Variants in DOCK4 observed in about 807,000 individuals in gnomAD.
DOCK4 encodes dedicator of cytokinesis 4.
In DOCK4, 97 loss-of-function variants were observed where a neutral mutation model predicts 268.1. The ratio of observed to expected loss-of-function variants is 0.36; its 90% confidence interval spans 0.31 to 0.43. DOCK4 has a LOEUF of 0.43. DOCK4 is among the 20% of genes least tolerant of loss of function. The probability of loss-of-function intolerance (pLI) is 1.00; values close to 1 mark genes in which losing one functional copy is unlikely to be tolerated. For synonymous variants in DOCK4, 954 were observed against 887.2 expected, an observed-to-expected ratio of 1.08 and a Z score of -1.34; for missense variants, 2,145 against 2,455.7, an observed-to-expected ratio of 0.87 and a Z score of 2.67.
intron 1 of DOCK4, among the ~76,000 whole-genome samples, chr7:112,179,244 G>T (rs116609271): frequency 6.6e-6 from 1 of 151,992 alleles, no homozygotes; most frequent in Non-Finnish European, 1.5e-5. Flanking sequence ...AAATTTTCCC[G>T]GTGTGGTGGC....
At chr7:111,995,024 G>T (rs1315836924) in intron 4 of DOCK4, among the ~76,000 whole-genome samples, 1 of 142,274 alleles carries the variant, frequency 7.0e-6, no homozygotes, top group Non-Finnish European at 1.5e-5. Flanking sequence ...GGAAATAAAA[G>T]AGAAGTTTTG....
chr7:112,163,535 T>G (rs976091003), intron 1 of DOCK4, among the ~76,000 whole-genome samples: 2 of 152,326 alleles, frequency 1.3e-5, no homozygotes, highest in Middle Eastern at 3.4e-3. Flanking sequence ...GTCTTTCGGT[T>G]GTGTGCACAT....
intron 43 of DOCK4, among the ~76,000 whole-genome samples, 163 bp downstream of exon 43, chr7:111,747,103 AT>A (rs1254064395): frequency 6.6e-6 from 1 of 152,204 alleles, no homozygotes; most frequent in Non-Finnish European, 1.5e-5. Flanking sequence ...TTACTGGGCA[AT>A]TACAAATGAC....
At chr7:112,117,427 G>A (rs1812280975) in intron 1 of DOCK4, among the ~76,000 whole-genome samples, 1 of 152,172 alleles carries the variant, frequency 6.6e-6, no homozygotes. Flanking sequence ...CTGGGGTGCA[G>A]TGATGTGGTC....
In DOCK4 at chr7:111,726,640, T is replaced by A. The variant is rs1316613257; in HGVS notation, c.*1634A>T. On this transcript the variant is annotated 3_prime_UTR_variant, in exon 53 of 53. Transcript: ENST00000428084. ...TTAACATATATTAATTTTTCCGACATTCAAAATTGTAAAGTCAATATGGCA... is the reference window on the plus strand; with the variant it reads ...TTAACATATATTAATTTTTCCGACAATCAAAATTGTAAAGTCAATATGGCA... The A allele has an allele frequency of 6.6e-6, 1 of 152,654 alleles. No individual in the cohort carries two copies. The highest frequency in any genetic ancestry group is 1.9e-4 in the East Asian group (1 of 5,202). The allele number at this position is 152,654 out of a possible 1,614,324, so 9.5% of individuals were successfully genotyped here.
intron 1 of DOCK4, among the ~76,000 whole-genome samples, chr7:112,153,951 T>C (rs1177628904): frequency 6.6e-6 from 1 of 152,156 alleles, no homozygotes; most frequent in Non-Finnish European, 1.5e-5. Context: ...GGCAAACTTC[T>C]TGTAGAAACA....
chr7:111,742,239 A>G, intron 44 of DOCK4, 107 bp from the exon 45 acceptor site: 1 of 1,179,694 alleles, frequency 8.5e-7, no homozygotes, highest in Non-Finnish European at 1.1e-6. Context: ...ATTATTGCTA[A>G]TCCTCTGCCT....
chr7:111,960,717 C>T (rs1796810115), intron 8 of DOCK4, among the ~76,000 whole-genome samples: 1 of 151,912 alleles, frequency 6.6e-6, no homozygotes, highest in Admixed American at 6.6e-5. Flanking sequence ...CTAGTAATCC[C>T]CCTTCTTCTC....
At chr7:112,097,582 T>C (rs1000001236) in intron 1 of DOCK4, among the ~76,000 whole-genome samples, 3 of 152,182 alleles carry the variant, frequency 2.0e-5, no homozygotes, top group African/African-American at 4.8e-5. Flanking sequence ...GGTTGTTCCA[T>C]GGGCCTCTGA....
At chr7:111,934,936 A>AT (rs1794602424) in intron 12 of DOCK4, among the ~76,000 whole-genome samples, 1 of 150,912 alleles carries the variant, frequency 6.6e-6, no homozygotes, top group African/African-American at 2.4e-5. Context: ...TTGTCATGTG[A>AT]TTTTTAGCTT....
intron 1 of DOCK4, among the ~76,000 whole-genome samples, chr7:112,066,688 TACA>T (rs1563052070): frequency 2.1e-4 from 3 of 14,516 alleles, no homozygotes; most frequent in African/African-American, 1.0e-3. Flanking sequence ...TATATACATA[TACA>T]TATATATATA....
chr7:112,077,679 G>GT (rs1341607704), intron 1 of DOCK4, among the ~76,000 whole-genome samples: 1 of 152,032 alleles, frequency 6.6e-6, no homozygotes, highest in Non-Finnish European at 1.5e-5. Context: ...GCGTGTGTGT[G>GT]TTTTTTAACA....
At chr7:111,978,633 G>T (rs1798383989) in intron 7 of DOCK4, among the ~76,000 whole-genome samples, 1 of 152,186 alleles carries the variant, frequency 6.6e-6, no homozygotes, top group African/African-American at 2.4e-5. Flanking sequence ...TAAGGAGGGT[G>T]CAGGACTTAC....
intron 16 of DOCK4, among the ~76,000 whole-genome samples, chr7:111,889,729 C>T (rs1231323532): frequency 1.3e-5 from 2 of 152,128 alleles, no homozygotes; most frequent in African/African-American, 2.4e-5. Context: ...ATAAGTTACT[C>T]CACAATAGAC....
intron 1 of DOCK4, among the ~76,000 whole-genome samples, chr7:112,169,950 T>C (rs1321438832): frequency 6.6e-6 from 1 of 152,130 alleles, no homozygotes; most frequent in Non-Finnish European, 1.5e-5. Flanking sequence ...CCACCAACAC[T>C]TTTTCCTGAA....
chr7:111,733,506 A>T (rs566688784), intron 51 of DOCK4, among the ~76,000 whole-genome samples: 1 of 152,304 alleles, frequency 6.6e-6, no homozygotes, highest in East Asian at 1.9e-4. Flanking sequence ...TATGGAAGAA[A>T]ATCACATCTG....
chr7:111,955,189 T>G (rs1796365650), intron 8 of DOCK4, among the ~76,000 whole-genome samples: 1 of 152,180 alleles, frequency 6.6e-6, no homozygotes, highest in African/African-American at 2.4e-5. Flanking sequence ...TGAAAGCAAC[T>G]TCTCAAGCAA....
chr7:112,004,434 G>A (rs576417396), intron 1 of DOCK4, among the ~76,000 whole-genome samples: 2 of 152,232 alleles, frequency 1.3e-5, no homozygotes, highest in Non-Finnish European at 2.9e-5. Flanking sequence ...GCTCCTTAAA[G>A]GACTGTGACC....
rs1203703000 is a variant in DOCK4 at position 111,739,257 on chromosome 7, G to C, written c.5123-14C>G. The C allele has an allele frequency of 6.2e-7, 1 of 1,610,046 alleles. No individual in the cohort carries two copies. The highest frequency in any genetic ancestry group is 1.1e-5 in the South Asian group (1 of 90,992). ...ACAAAGGAGAAGCTGGGAAGAGAAG[G>C]AGAGAGAGGATCATCAGCATGGTAG... is the stretch of plus-strand genomic sequence containing the variant. On this transcript the variant is annotated splice_polypyrimidine_tract_variant and intron_variant, in intron 48 of 52. Transcript: ENST00000428084.
Sources: allele counts gnomAD v4.1 joint callset (sites outside exome capture counted in the v4.1 genomes callset), GRCh38; gene constraint gnomAD v4.1.1; transcripts MANE v1.5; gene names NCBI Gene and HGNC (gene_info 2026-07-23, HGNC 2026-07-21).